RAPGEF2: variants seen among roughly 807,000 people sequenced by gnomAD.
RAPGEF2 encodes Rap guanine nucleotide exchange factor 2.
A neutral mutation model predicts 186.7 loss-of-function variants in RAPGEF2; 54 were observed. That is an observed-to-expected ratio of 0.29 (90% CI 0.23 to 0.36). RAPGEF2 has a LOEUF of 0.36. Ranked by LOEUF, RAPGEF2 falls within the 10% of genes least tolerant of loss-of-function variation. The probability of loss-of-function intolerance (pLI) is 1.00; values close to 1 mark genes in which losing one functional copy is unlikely to be tolerated. For missense variants in RAPGEF2, 1,532 were observed against 2,045.0 expected (o/e 0.75, Z 4.84); for synonymous variants, 712 against 705.9 (o/e 1.01, Z -0.14).
intron 7 of RAPGEF2, among the ~76,000 whole-genome samples, chr4:159,262,666 C>G (rs886147861): frequency 2.0e-5 from 3 of 152,190 alleles, no homozygotes; most frequent in Non-Finnish European, 4.4e-5. Flanking sequence ...CTGCATGTCT[C>G]CATCTCATGT....
intron 26 of RAPGEF2, among the ~76,000 whole-genome samples, chr4:159,351,615 T>C (rs1411948605): frequency 2.0e-5 from 3 of 152,146 alleles, no homozygotes; most frequent in African/African-American, 7.2e-5. Flanking sequence ...AAAATGAATA[T>C]TGAGAAAGAA....
intron 1 of RAPGEF2, among the ~76,000 whole-genome samples, chr4:159,116,077 A>G (rs184830279): frequency 1.4e-4 from 22 of 152,332 alleles, no homozygotes; most frequent in Non-Finnish European, 2.5e-4. Flanking sequence ...AAAAGCAACA[A>G]TTGACAAATA....
At chr4:159,267,904 T>A (rs1238170574) in intron 7 of RAPGEF2, 2 of 1,184,684 alleles carry the variant, frequency 1.7e-6, no homozygotes, top group African/African-American at 3.2e-5. Flanking sequence ...AGTCTTGTCA[T>A]AGCCTAGGAT....
At chr4:159,252,526 C>G (rs1755585910) in intron 7 of RAPGEF2, among the ~76,000 whole-genome samples, 1 of 152,200 alleles carries the variant, frequency 6.6e-6, no homozygotes, top group Non-Finnish European at 1.5e-5. Context: ...TTCTTGATGT[C>G]ATTTACAGTG....
intron 29 of RAPGEF2, among the ~76,000 whole-genome samples, chr4:159,357,054 G>A (rs1732135234): frequency 6.6e-6 from 1 of 152,098 alleles, no homozygotes; most frequent in African/African-American, 2.4e-5. Context: ...GGAAATGAAA[G>A]TCTGATAAAG....
At chr4:159,332,875 T>C (rs1579976064) in intron 17 of RAPGEF2, 178 bp downstream of exon 17, 2 of 591,474 alleles carry the variant, frequency 3.4e-6, no homozygotes, top group Non-Finnish European at 5.4e-6. Flanking sequence ...TTGCCACTTA[T>C]TTGGCTACTC....
chr4:159,147,918 A>G (rs1029815522), intron 1 of RAPGEF2, among the ~76,000 whole-genome samples: 4 of 152,232 alleles, frequency 2.6e-5, no homozygotes, highest in African/African-American at 7.2e-5. Context: ...TGCCTGGCAC[A>G]TGTGCCTAAT....
intron 1 of RAPGEF2, among the ~76,000 whole-genome samples, chr4:159,161,804 T>A (rs550210235): frequency 2.6e-5 from 4 of 152,366 alleles, no homozygotes; most frequent in African/African-American, 9.6e-5. Flanking sequence ...CATATTAAAT[T>A]TGATTCCTTG....
intron 7 of RAPGEF2, among the ~76,000 whole-genome samples, chr4:159,251,632 G>C (rs909441568): frequency 2.0e-5 from 3 of 152,202 alleles, no homozygotes; most frequent in Non-Finnish European, 4.4e-5. Flanking sequence ...AGCAAGTCTC[G>C]TGGGGACTTT....
Position 159,330,483 on chromosome 4 carries a change from G to A in RAPGEF2, c.1452G>A (p.Pro484=), listed in dbSNP as rs770242828. ...GKKLLEWFND[P]SLRDKVTRVV... ...AGTTATTGGAGTGGTTTAATGACCCGAGCCTCAGGGATAAGGTTGGAAATA... is the reference window on the plus strand; with the variant it reads ...AGTTATTGGAGTGGTTTAATGACCCAAGCCTCAGGGATAAGGTTGGAAATA... Residue 484 remains proline, a synonymous_variant, in exon 13 of 30, where the codon CCG becomes CCA. Transcript: ENST00000691494. The A allele has an allele frequency of 1.0e-5, 16 of 1,601,652 alleles. No individual in the cohort carries two copies. The highest frequency in any genetic ancestry group is 2.2e-5 in the East Asian group (1 of 44,554).
At chr4:159,157,786 C>T (rs1179882867) in intron 1 of RAPGEF2, among the ~76,000 whole-genome samples, 1 of 152,206 alleles carries the variant, frequency 6.6e-6, no homozygotes, top group Non-Finnish European at 1.5e-5. Flanking sequence ...CAACATATCT[C>T]TGCTGCTAGA....
At chr4:159,266,638 G>T (rs910096792) in intron 7 of RAPGEF2, among the ~76,000 whole-genome samples, 1 of 151,988 alleles carries the variant, frequency 6.6e-6, no homozygotes, top group African/African-American at 2.4e-5. Context: ...ATGTGCATCT[G>T]TGTGTGTGTA....
rs184395687 is a variant in RAPGEF2 at position 159,258,528 on chromosome 4, G to A, written c.543+14737G>A. Among the ~76,000 whole-genome samples, 602 of 152,190 alleles carry A rather than the reference G, an allele frequency of 4.0e-3. 5 individuals carry two copies. Among genetic ancestry groups the A allele is most frequent in the Non-Finnish European group, 2.9e-3 (196 of 68,000 alleles). On this transcript the variant is annotated intron_variant, in intron 7 of 29. Transcript: ENST00000691494. ...GGTAGTAAAGTCTGTTGGTTAATGCGTCCATTTATAATTACTGTCACTTTC... is the reference window on the plus strand; with the variant it reads ...GGTAGTAAAGTCTGTTGGTTAATGCATCCATTTATAATTACTGTCACTTTC...
At chr4:159,331,108 GTATTAGCTGATTTTTGTTT>G (rs1306946942) in intron 13 of RAPGEF2, among the ~76,000 whole-genome samples, 1 of 152,086 alleles carries the variant, frequency 6.6e-6, no homozygotes, top group Non-Finnish European at 1.5e-5. Context: ...TCTGTCTTTT[GTATTAGCTGATTTTTGTTT>G]TATTACACCT....
At chr4:159,221,484 G>A (rs1211183348) in intron 4 of RAPGEF2, among the ~76,000 whole-genome samples, 1 of 152,080 alleles carries the variant, frequency 6.6e-6, no homozygotes, top group African/African-American at 2.4e-5. Context: ...GTAGTCATGT[G>A]GCTACTTCAG....
intron 17 of RAPGEF2, among the ~76,000 whole-genome samples, 195 bp from the exon 18 acceptor site, chr4:159,338,116 A>C (rs1233110771): frequency 6.6e-6 from 1 of 151,918 alleles, no homozygotes; most frequent in Non-Finnish European, 1.5e-5. Flanking sequence ...AAAACAAAAA[A>C]CAAAAACAGG....
intron 1 of RAPGEF2, chr4:159,128,876 C>G (rs1370695415): frequency 7.1e-6 from 1 of 141,470 alleles, no homozygotes; most frequent in African/African-American, 2.6e-5. Context: ...AAAGACTTTG[C>G]CACTCTTGAA....
chr4:159,215,558 C>T (rs772142127), intron 4 of RAPGEF2, among the ~76,000 whole-genome samples: 2 of 152,194 alleles, frequency 1.3e-5, no homozygotes, highest in African/African-American at 4.8e-5. Flanking sequence ...AAAATCACTG[C>T]TATTGAAATG....
chr4:159,290,885 T>C (rs1761118667), intron 7 of RAPGEF2, among the ~76,000 whole-genome samples: 1 of 152,190 alleles, frequency 6.6e-6, no homozygotes, highest in Non-Finnish European at 1.5e-5. Context: ...TATAGTGCCC[T>C]CCCGACAGCC....
Sources: allele counts gnomAD v4.1 joint callset (sites outside exome capture counted in the v4.1 genomes callset), GRCh38; gene constraint gnomAD v4.1.1; transcripts MANE v1.5; gene names NCBI Gene and HGNC (gene_info 2026-07-23, HGNC 2026-07-21).